GALNT13: variants seen among roughly 807,000 people sequenced by gnomAD.
GALNT13 encodes UDP-GalNAc:polypeptide N-acetylgalactosaminyltransferase 13.
In GALNT13, 28 loss-of-function variants were observed where a neutral mutation model predicts 64.2. The observed-to-expected ratio is 0.44, with a 90% CI of 0.32 to 0.60. The LOEUF (loss-of-function observed/expected upper bound fraction) is 0.60, where lower values mean the gene tolerates loss of function less well. GALNT13 is among the 20% of genes least tolerant of loss of function. The pLI, the probability that GALNT13 is intolerant of heterozygous loss-of-function variation, is 0.05. For synonymous variants in GALNT13, 214 were observed against 224.6 expected (o/e 0.95, Z 0.42); for missense variants, 577 against 669.8 (o/e 0.86, Z 1.53).
intron 4 of GALNT13, among the ~76,000 whole-genome samples, chr2:154,238,672 A>AGG (rs1553501390): frequency 6.6e-6 from 1 of 152,002 alleles, no homozygotes; most frequent in Non-Finnish European, 1.5e-5. Context: ...ATAGTACAGA[A>AGG]GGAGTCTTCT....
At chr2:154,278,804 A>G (rs1278673083) in intron 8 of GALNT13, among the ~76,000 whole-genome samples, 2 of 152,160 alleles carry the variant, frequency 1.3e-5, no homozygotes, top group Admixed American at 6.6e-5. Context: ...GAAAACATGT[A>G]GTGGGGGAAA....
chr2:153,361,927 T>C, the GALNT13 span, among the ~76,000 whole-genome samples: 1 of 152,054 alleles, frequency 6.6e-6, no homozygotes, highest in African/African-American at 2.4e-5. Flanking sequence ...CGTCAGATTG[T>C]CCAAGGTTGG....
chr2:153,340,228 A>C, the GALNT13 span, among the ~76,000 whole-genome samples: 1 of 152,190 alleles, frequency 6.6e-6, no homozygotes, highest in Non-Finnish European at 1.5e-5. Flanking sequence ...ATCCATGAAC[A>C]CAAGGTGTCT....
intron 12 of GALNT13, among the ~76,000 whole-genome samples, chr2:154,443,305 T>C (rs1326442366): frequency 6.6e-6 from 1 of 152,140 alleles, no homozygotes; most frequent in Non-Finnish European, 1.5e-5. Context: ...TATTTTATAA[T>C]ATTTCTGTTC....
At chr2:154,385,296 C>G (rs191012272) in intron 9 of GALNT13, among the ~76,000 whole-genome samples, 12 of 151,970 alleles carry the variant, frequency 7.9e-5, no homozygotes, top group Admixed American at 6.6e-4. Flanking sequence ...TATATGAATT[C>G]AAGTTTGGGA....
At chr2:153,932,103 C>T (rs551384458) in intron 2 of GALNT13, among the ~76,000 whole-genome samples, 188 of 152,166 alleles carry the variant, frequency 1.2e-3, no homozygotes, top group South Asian at 3.5e-3. Context: ...TTATAATAGT[C>T]TGAGGTTTTT....
chr2:153,603,187 A>C, the GALNT13 span, among the ~76,000 whole-genome samples: 1 of 151,910 alleles, frequency 6.6e-6, no homozygotes, highest in African/African-American at 2.4e-5. Flanking sequence ...GTACTTGTGC[A>C]TCTTCTGGGA....
chr2:153,468,346 T>C, the GALNT13 span, among the ~76,000 whole-genome samples: 413 of 152,216 alleles, frequency 2.7e-3, 18 homozygotes, highest in East Asian at 0.073. Flanking sequence ...TTTGTTTGCG[T>C]TGTAGAATGG....
chr2:153,281,953 C>A, the GALNT13 span, among the ~76,000 whole-genome samples: 1 of 151,758 alleles, frequency 6.6e-6, no homozygotes, highest in African/African-American at 2.4e-5. Context: ...ACCTGTCTAG[C>A]AAGATTAGAA....
chr2:154,103,967 T>C (rs1034989158), intron 3 of GALNT13, among the ~76,000 whole-genome samples: 3 of 152,036 alleles, frequency 2.0e-5, no homozygotes, highest in Non-Finnish European at 4.4e-5. Context: ...AAAGATTGGG[T>C]AAACCAATGA....
chr2:153,534,703 G>T, the GALNT13 span, among the ~76,000 whole-genome samples: 2 of 151,724 alleles, frequency 1.3e-5, no homozygotes, highest in Non-Finnish European at 2.9e-5. Flanking sequence ...AGTGGGGGTC[G>T]CAAGGTGCTC....
the GALNT13 span, among the ~76,000 whole-genome samples, chr2:153,287,762 C>T: frequency 6.6e-6 from 1 of 152,120 alleles, no homozygotes; most frequent in Non-Finnish European, 1.5e-5. Context: ...TGTGTTTGTG[C>T]CCGCTATGGT....
intron 7 of GALNT13, among the ~76,000 whole-genome samples, chr2:154,252,801 G>A (rs145811271): frequency 1.7e-3 from 262 of 152,154 alleles, no homozygotes; most frequent in African/African-American, 5.9e-3. Flanking sequence ...GAAAGGAGAG[G>A]AGAGAAGAGG....
chr2:153,869,885 C>T (rs962234666), upstream of GALNT13, among the ~76,000 whole-genome samples: 1 of 152,136 alleles, frequency 6.6e-6, no homozygotes, highest in African/African-American at 2.4e-5. Flanking sequence ...TCCACAGAAT[C>T]TCAGAGTACT....
the GALNT13 span, among the ~76,000 whole-genome samples, chr2:153,438,778 C>T: frequency 6.6e-6 from 1 of 152,098 alleles, no homozygotes; most frequent in African/African-American, 2.4e-5. Context: ...AGACTTCCTC[C>T]TTTAGCTCAG....
chr2:153,115,457 C>A, the GALNT13 span, among the ~76,000 whole-genome samples: 1 of 152,150 alleles, frequency 6.6e-6, no homozygotes, highest in Non-Finnish European at 1.5e-5. Flanking sequence ...AAAGCTTTTT[C>A]TCATGTTTTC....
At chr2:154,054,955 A>G (rs1487475558) in intron 3 of GALNT13, among the ~76,000 whole-genome samples, 1 of 151,884 alleles carries the variant, frequency 6.6e-6, no homozygotes, top group Non-Finnish European at 1.5e-5. Context: ...ATGTTGATAA[A>G]ATAAGATATG....
chr2:153,128,267 C>T, the GALNT13 span, among the ~76,000 whole-genome samples: 10 of 152,188 alleles, frequency 6.6e-5, no homozygotes, highest in South Asian at 2.1e-3. Flanking sequence ...ACTTACAGTT[C>T]CACATGGTTG....
chr2:153,136,264 A>G, the GALNT13 span, among the ~76,000 whole-genome samples: 24,838 of 152,122 alleles, frequency 0.16, 2,213 homozygotes, highest in Middle Eastern at 0.24. Context: ...AGGAATCATA[A>G]GCCTCATTTT....
Sources: gnomAD v4.1 joint callset for allele counts (sites outside exome capture counted in the v4.1 genomes callset) on GRCh38, gnomAD v4.1.1 for gene constraint, MANE v1.5 for transcripts, NCBI Gene and HGNC (gene_info 2026-07-23, HGNC 2026-07-21) for gene names.